The following TRAPPC8 variants were observed in gnomAD, a reference collection of about 807,000 sequenced individuals.
TRAPPC8 encodes general sporulation gene 1 homolog.
TRAPPC8 carries 54 observed loss-of-function variants against 174.3 expected under a neutral mutation model. The observed-to-expected ratio is 0.31, with a 90% CI of 0.25 to 0.39. TRAPPC8 has a LOEUF of 0.39. Among genes scored for constraint, TRAPPC8 ranks in the 10% least tolerant of loss-of-function variants. The probability of loss-of-function intolerance (pLI) is 1.00; values close to 1 mark genes in which losing one functional copy is unlikely to be tolerated. For synonymous variants in TRAPPC8, 630 were observed against 579.9 expected (o/e 1.09, Z -1.24); for missense variants, 1,531 against 1,699.1 (o/e 0.90, Z 1.74).
In TRAPPC8 at chr18:31,855,815, TAAAAA is replaced by T; in HGVS notation, c.3189-13_3189-9del. 35 of 1,494,782 alleles carry T rather than the reference TAAAAA, an allele frequency of 2.3e-5. No individual in the cohort carries two copies. The highest frequency in any genetic ancestry group is 2.0e-4 in the Admixed American group (8 of 40,532). 92.6% of individuals were successfully genotyped at this position (1,494,782 alleles called of 1,614,324 possible). A position where few individuals can be genotyped will look rare whatever the true frequency, so the allele number is the denominator to read the frequency against. ...TGTCTTAATATTCTGTGCCTGAAGT[TAAAAA>T]AAAAAAAAAAAGCACATTTAAGCAC... On this transcript the variant is annotated splice_polypyrimidine_tract_variant and intron_variant, in intron 20 of 28. Coordinates refer to ENST00000283351, the MANE Select transcript of TRAPPC8 (RefSeq NM_014939.5).
In TRAPPC8 at chr18:31,866,948, T is replaced by C. The variant is rs1192615092; in HGVS notation, c.2491A>G (p.Ile831Val). ...VARLKLFPHH[I>V]GELHILGVVY... is the part of the protein sequence containing the mutation. The stretch of plus-strand genomic sequence containing the variant: ...ACTCCCAGAATATGCAGCTCCCCTA[T>C]GTGATGGGGAAAGAGCTTTAGTCTT... Residue 831 changes from isoleucine to valine, a missense_variant, in exon 18 of 29, where the codon ATA becomes GTA. Coordinates refer to ENST00000283351, the MANE Select transcript of TRAPPC8 (RefSeq NM_014939.5). 6 of 1,613,596 alleles carry C rather than the reference T, an allele frequency of 3.7e-6. No individual in the cohort carries two copies. The highest frequency in any genetic ancestry group is 5.1e-6 in the Non-Finnish European group (6 of 1,179,690).
rs761227189 is a variant in TRAPPC8 at position 31,857,520 on chromosome 18, A to G, written c.3188+20T>C. The G allele has an allele frequency of 1.7e-5, 26 of 1,534,112 alleles. No individual in the cohort carries two copies. Among genetic ancestry groups the G allele is most frequent in the Middle Eastern group, 1.8e-4 (1 of 5,666 alleles). On this transcript the variant is annotated intron_variant, in intron 20 of 28. Transcript: ENST00000283351. Reference sequence around the variant, plus strand: ...ACATTGAACATAGATGTTAAATTTTATAAGTTTTATAATACTAACCGTATT... The same window carrying G: ...ACATTGAACATAGATGTTAAATTTTGTAAGTTTTATAATACTAACCGTATT...
intron 1 of TRAPPC8, among the ~76,000 whole-genome samples, chr18:31,932,145 T>C (rs548687128): frequency 1.1e-4 from 17 of 152,030 alleles, no homozygotes; most frequent in Admixed American, 6.6e-4. Context: ...AAAAAAAAAC[T>C]CTGGCCAGGC....
chr18:31,920,815 C>G (rs1050689711), intron 2 of TRAPPC8, among the ~76,000 whole-genome samples: 10 of 151,800 alleles, frequency 6.6e-5, no homozygotes, highest in Admixed American at 2.0e-4. Context: ...GTGGCATCCA[C>G]CTGTAATCCC....
At position 31,898,798 on chromosome 18, in the gene TRAPPC8, T is replaced by C. The variant is rs143447235; in HGVS notation, c.1491-907A>G. On this transcript the variant is annotated intron_variant, in intron 10 of 28. Coordinates refer to ENST00000283351, the MANE Select transcript of TRAPPC8 (RefSeq NM_014939.5). Reference sequence around the variant, plus strand: ...AAAAGAATAAAAACAAATGAAAACATTCTTACTATGAAATTACAAGATGGA... The same window carrying C: ...AAAAGAATAAAAACAAATGAAAACACTCTTACTATGAAATTACAAGATGGA... 3.3e-5 allele frequency among the ~76,000 whole-genome samples: 5 copies of C among 152,296 alleles called. No homozygotes were observed. In the East Asian group the frequency reaches 9.6e-4, roughly 29 times the overall value.
intron 2 of TRAPPC8, among the ~76,000 whole-genome samples, chr18:31,922,890 A>T (rs1464777766): frequency 1.3e-5 from 2 of 151,058 alleles, no homozygotes; most frequent in Non-Finnish European, 3.0e-5. Flanking sequence ...GGTAGCCCAC[A>T]CCTGTAGTCC....
At chr18:31,873,314 G>T in intron 14 of TRAPPC8, 116 bp downstream of exon 14, 1 of 861,072 alleles carries the variant, frequency 1.2e-6, no homozygotes, top group Non-Finnish European at 1.8e-6. Flanking sequence ...AATCGTACCC[G>T]GCTGAGCTAT....
chr18:31,942,686 C>G lies in TRAPPC8; in HGVS notation c.79G>C (p.Glu27Gln), dbSNP rs1246045807. Residue 27 changes from glutamate (E) to glutamine (Q), a missense_variant, in exon 1 of 29, where the codon GAA becomes CAA. Coordinates refer to ENST00000283351, the MANE Select transcript of TRAPPC8 (RefSeq NM_014939.5). Reference sequence around the variant, plus strand: ...TTGAGACGAGTGAGCCGCTCGGCTTCGTCGCTGCACAGCGCAGCGACACAG... The same window carrying G: ...TTGAGACGAGTGAGCCGCTCGGCTTGGTCGCTGCACAGCGCAGCGACACAG... ...VPCVAALCSD[E>Q]AERLTRLNHL... The G allele has an allele frequency of 6.2e-7, 1 of 1,608,850 alleles. No individual in the cohort carries two copies.
At position 31,830,606 on chromosome 18, in the gene TRAPPC8, T is replaced by C. The variant is rs935224664; in HGVS notation, c.*149A>G. ...TAAGTATTCTCAGTCCAACGTGCTT[T>C]GCATCATCAACAAAATGACAAGTCA... is the stretch of plus-strand genomic sequence containing the variant. On this transcript the variant is annotated 3_prime_UTR_variant, in exon 29 of 29. Transcript: ENST00000283351. 2 of 642,586 alleles carry C rather than the reference T, an allele frequency of 3.1e-6. No homozygotes were observed. The highest frequency in any genetic ancestry group is 5.3e-6 in the Non-Finnish European group (2 of 377,254). The allele number at this position is 642,586 out of a possible 1,614,324, so 39.8% of individuals were successfully genotyped here. A position where few individuals can be genotyped will look rare whatever the true frequency, so the allele number is the denominator to read the frequency against.
intron 25 of TRAPPC8, among the ~76,000 whole-genome samples, chr18:31,847,561 A>C (rs1209173315): frequency 1.3e-5 from 2 of 152,200 alleles, no homozygotes; most frequent in Non-Finnish European, 2.9e-5. Context: ...GTTTACTTTC[A>C]ATTTCTATAC....
chr18:31,883,432 C>T (rs2035557573), intron 12 of TRAPPC8: 1 of 152,308 alleles, frequency 6.6e-6, no homozygotes, highest in Admixed American at 6.5e-5. Context: ...AGAAGATAGA[C>T]AGTAGAGTGG....
At chr18:31,842,272 A>G (rs919955702) in intron 26 of TRAPPC8, among the ~76,000 whole-genome samples, 1 of 152,158 alleles carries the variant, frequency 6.6e-6, no homozygotes, top group African/African-American at 2.4e-5. Context: ...GTGAGATGTT[A>G]ATCACTACAA....
chr18:31,933,043 T>C (rs527836395), intron 1 of TRAPPC8, among the ~76,000 whole-genome samples: 1 of 136,902 alleles, frequency 7.3e-6, no homozygotes, highest in African/African-American at 2.8e-5. Flanking sequence ...GGCTCACACC[T>C]GTAATCCCAG....
Position 31,857,810 on chromosome 18 carries a change from G to A in TRAPPC8, c.2918C>T (p.Ser973Leu), listed in dbSNP as rs372353496. 1 of 1,614,084 alleles carries A rather than the reference G, an allele frequency of 6.2e-7. No individual in the cohort carries two copies. Among genetic ancestry groups the A allele is most frequent in the African/African-American group, 1.3e-5 (1 of 74,938 alleles). ...GTAAGCACTACAATTCTCAGAAGCTGAGGGACTTAGTGGTGTTAGAACAGC... is the reference window on the plus strand; with the variant it reads ...GTAAGCACTACAATTCTCAGAAGCTAAGGGACTTAGTGGTGTTAGAACAGC... ...NTAVLTPLSP[S>L]ASENCSAYKT... The change falls in exon 20 of 29, where the codon TCA becomes TTA. Residue 973 changes from serine to leucine, a missense_variant. Ser to Leu is a moderately radical substitution (Grantham distance 145). Transcript: ENST00000283351.
chr18:31,870,468 A>G lies in TRAPPC8; in HGVS notation c.2292T>C (p.Pro764=), dbSNP rs750348534. Residue 764 remains proline (P), a synonymous_variant, in exon 16 of 29, where the codon CCT becomes CCC. Coordinates refer to ENST00000283351, the MANE Select transcript of TRAPPC8 (RefSeq NM_014939.5). ...PITVEVAFRN[P]LKVLLLLTDL... ...CAGTCAACAAAAGTAGAACTTTCAA[A>G]GGGTTTCTAAAAGCCACTTCCACTG... 91 of 1,612,670 alleles carry G rather than the reference A, an allele frequency of 5.6e-5. No individual in the cohort carries two copies. Among genetic ancestry groups the G allele is most frequent in the Non-Finnish European group, 7.5e-5 (88 of 1,179,390 alleles).
intron 6 of TRAPPC8, among the ~76,000 whole-genome samples, chr18:31,909,285 T>A (rs1463041137): frequency 6.6e-6 from 1 of 151,988 alleles, no homozygotes; most frequent in African/African-American, 2.4e-5. Flanking sequence ...ATATAAAGAA[T>A]GACTTTTAAA....
chr18:31,875,890 C>A (rs116879627), intron 12 of TRAPPC8, among the ~76,000 whole-genome samples: 1 of 152,268 alleles, frequency 6.6e-6, no homozygotes, highest in East Asian at 1.9e-4. Context: ...AGAGAGTGGA[C>A]TGGTGGTTAC....
chr18:31,913,203 GTTAGTTAAAAACAGCTT>G (rs2145514216), intron 5 of TRAPPC8, among the ~76,000 whole-genome samples, 149 bp downstream of exon 5: 1 of 152,114 alleles, frequency 6.6e-6, no homozygotes, highest in South Asian at 2.1e-4. Flanking sequence ...GATTACTGCA[GTTAGTTAAAAACAGCTT>G]TTAAACCACT....
intron 22 of TRAPPC8, chr18:31,852,893 A>G: frequency 2.3e-6 from 1 of 426,960 alleles, no homozygotes. Context: ...ATATATATGT[A>G]TTCATATATG....
Sources: gnomAD v4.1 joint callset for allele counts (sites outside exome capture counted in the v4.1 genomes callset) on GRCh38, gnomAD v4.1.1 for gene constraint, MANE v1.5 for transcripts, NCBI Gene and HGNC (gene_info 2026-07-23, HGNC 2026-07-21) for gene names.